Variants in THEMIS observed in about 807,000 individuals in gnomAD.
The protein encoded by THEMIS is thymocyte selection associated, also known as protein THEMIS.
A neutral mutation model predicts 52.6 loss-of-function variants in THEMIS; 37 were observed. The observed-to-expected ratio is 0.70, with a 90% CI of 0.54 to 0.93. The LOEUF (loss-of-function observed/expected upper bound fraction) is 0.93, where lower values mean the gene tolerates loss of function less well. Ranked by LOEUF, THEMIS falls within the 40% of genes least tolerant of loss-of-function variation. The probability of loss-of-function intolerance (pLI) is 0.00; values close to 1 mark genes in which losing one functional copy is unlikely to be tolerated. For missense variants in THEMIS, 808 were observed against 763.1 expected (o/e 1.06, Z -0.69); for synonymous variants, 292 against 272.7 (o/e 1.07, Z -0.70).
chr6:127,831,970 T>C (rs1778710595), intron 2 of THEMIS, among the ~76,000 whole-genome samples: 1 of 152,156 alleles, frequency 6.6e-6, no homozygotes, highest in Admixed American at 6.5e-5. Context: ...TGTGTGAAGA[T>C]TTATTTCTAA....
At chr6:127,748,278 A>T (rs771275649) in intron 4 of THEMIS, among the ~76,000 whole-genome samples, 25 of 152,172 alleles carry the variant, frequency 1.6e-4, no homozygotes, top group Non-Finnish European at 2.9e-4. Context: ...GGAGTCTGGG[A>T]AGTCTAAAAA....
chr6:127,803,923 T>C (rs548226659), intron 4 of THEMIS, among the ~76,000 whole-genome samples: 1 of 152,202 alleles, frequency 6.6e-6, no homozygotes, highest in East Asian at 1.9e-4. Context: ...TCCCAGGAGC[T>C]GAACTCTCCT....
chr6:127,825,748 G>C (rs1778485767), intron 3 of THEMIS, among the ~76,000 whole-genome samples: 1 of 152,096 alleles, frequency 6.6e-6, no homozygotes, highest in Non-Finnish European at 1.5e-5. Context: ...ATACATTCAG[G>C]AAAATAAATT....
At chr6:127,805,172 C>T (rs187045651) in intron 4 of THEMIS, among the ~76,000 whole-genome samples, 2 of 152,110 alleles carry the variant, frequency 1.3e-5, no homozygotes, top group East Asian at 1.9e-4. Context: ...GATCTAAAAT[C>T]GTCTGTGTAA....
intron 1 of THEMIS, among the ~76,000 whole-genome samples, chr6:127,899,170 T>C (rs1781059770): frequency 6.6e-6 from 1 of 151,860 alleles, no homozygotes; most frequent in Non-Finnish European, 1.5e-5. Flanking sequence ...CAATGAATAA[T>C]ATCCCCATTA....
intron 4 of THEMIS, among the ~76,000 whole-genome samples, chr6:127,774,745 C>T (rs1009738503): frequency 6.6e-6 from 1 of 152,150 alleles, no homozygotes; most frequent in Non-Finnish European, 1.5e-5. Context: ...TCTGCCTAAA[C>T]CCCCAAATCT....
chr6:127,727,954 T>C lies in THEMIS; in HGVS notation c.1759-8131A>G, dbSNP rs989220066. Among the ~76,000 whole-genome samples the C allele has an allele frequency of 2.0e-5, 3 of 152,084 alleles. No homozygotes were observed. The South Asian group carries it at 6.2e-4, about 32-fold the overall frequency. On this transcript the variant is annotated intron_variant, in intron 4 of 5. Coordinates refer to ENST00000368248, the MANE Select transcript of THEMIS (RefSeq NM_001010923.3). ...TTCTGATCCCTCTTTTAAGGAGCAT[T>C]GTCTGGCACCACCAACCAACACTTT...
intron 4 of THEMIS, among the ~76,000 whole-genome samples, chr6:127,797,278 G>A (rs1011545048): frequency 3.3e-5 from 5 of 151,624 alleles, no homozygotes; most frequent in Non-Finnish European, 5.9e-5. Flanking sequence ...TTTTTTCATA[G>A]GTCACTTCTT....
At chr6:127,909,254 G>A (rs568449857) in intron 1 of THEMIS, among the ~76,000 whole-genome samples, 2 of 152,016 alleles carry the variant, frequency 1.3e-5, no homozygotes, top group African/African-American at 2.4e-5. Flanking sequence ...CTGAGTCGGG[G>A]AAGTTACTCG....
intron 1 of THEMIS, among the ~76,000 whole-genome samples, chr6:127,885,484 A>G (rs188965220): frequency 6.6e-6 from 1 of 152,214 alleles, no homozygotes; most frequent in South Asian, 2.1e-4. Context: ...AATAAAAAAA[A>G]CTATCTACTT....
chr6:127,842,373 A>G (rs933648962), intron 2 of THEMIS, among the ~76,000 whole-genome samples: 2 of 152,034 alleles, frequency 1.3e-5, no homozygotes, highest in South Asian at 4.1e-4. Flanking sequence ...AATGTATCAC[A>G]TATTTGGTAC....
At position 127,813,734 on chromosome 6, in the gene THEMIS, G is replaced by T. The variant is rs1216147063; in HGVS notation, c.907C>A (p.Pro303Thr). 1 of 1,613,796 alleles carries T rather than the reference G, an allele frequency of 6.2e-7. No homozygotes were observed. Among genetic ancestry groups the T allele is most frequent in the Admixed American group, 1.7e-5 (1 of 59,956 alleles). Reference sequence around the variant, plus strand: ...TTGTGGATCACAATGGTTTTCCCAGGCTGTAAAATGCTTTGGGGCAGGTGG... The same window carrying T: ...TTGTGGATCACAATGGTTTTCCCAGTCTGTAAAATGCTTTGGGGCAGGTGG... Reference protein sequence around the residue: ...GNHLPQSILQPGKTIVIHKKY... With the variant: ...GNHLPQSILQTGKTIVIHKKY... Residue 303 changes from proline to threonine, a missense_variant, in exon 4 of 6, where the codon CCT (proline) becomes ACT (threonine). Coordinates refer to ENST00000368248, the MANE Select transcript of THEMIS (RefSeq NM_001010923.3).
At chr6:127,749,714 A>C (rs1775568966) in intron 4 of THEMIS, among the ~76,000 whole-genome samples, 1 of 151,748 alleles carries the variant, frequency 6.6e-6, no homozygotes, top group Non-Finnish European at 1.5e-5. Flanking sequence ...CATAGGGTTA[A>C]GTGTTTCTGG....
intron 1 of THEMIS, among the ~76,000 whole-genome samples, chr6:127,862,422 G>C (rs1366731928): frequency 1.2e-5 from 1 of 80,062 alleles, no homozygotes; most frequent in Non-Finnish European, 3.1e-5. Flanking sequence ...ATCTCCTAGG[G>C]AGTAAATTTT....
chr6:127,840,915 A>G (rs1779025478), intron 2 of THEMIS, among the ~76,000 whole-genome samples: 2 of 152,098 alleles, frequency 1.3e-5, no homozygotes, highest in South Asian at 4.1e-4. Context: ...GGAGACAGGA[A>G]AAGGATCAGT....
At chr6:127,769,416 C>T (rs1350463198) in intron 4 of THEMIS, among the ~76,000 whole-genome samples, 6 of 142,968 alleles carry the variant, frequency 4.2e-5, no homozygotes, top group Non-Finnish European at 7.6e-5. Context: ...ACAATATGTT[C>T]TTTGCTTTTT....
intron 1 of THEMIS, among the ~76,000 whole-genome samples, chr6:127,895,718 T>C (rs945252213): frequency 2.0e-5 from 3 of 151,568 alleles, no homozygotes; most frequent in African/African-American, 7.2e-5. Context: ...AAAATTGAAG[T>C]CATAATTTAA....
chr6:127,812,488 G>A (rs1178374959), intron 4 of THEMIS, among the ~76,000 whole-genome samples: 1 of 152,086 alleles, frequency 6.6e-6, no homozygotes, highest in Admixed American at 6.6e-5. Context: ...GAAGAAGGGA[G>A]TTTACTGTAT....
chr6:127,848,582 C>A (rs557274842), intron 2 of THEMIS, among the ~76,000 whole-genome samples: 8 of 150,420 alleles, frequency 5.3e-5, no homozygotes, highest in East Asian at 4.0e-4. Context: ...CCTCTCCAGC[C>A]CCTGTTGTTT....
Sources: allele counts gnomAD v4.1 joint callset (sites outside exome capture counted in the v4.1 genomes callset), GRCh38; gene constraint gnomAD v4.1.1; transcripts MANE v1.5; gene names NCBI Gene and HGNC (gene_info 2026-07-23, HGNC 2026-07-21).